Variants in ANTXR1 observed in about 807,000 individuals in gnomAD.
The protein encoded by ANTXR1 is anthrax toxin receptor 1.
In ANTXR1, 19 loss-of-function variants were observed where a neutral mutation model predicts 78.1. The observed-to-expected ratio is 0.24, with a 90% CI of 0.17 to 0.36. The LOEUF is 0.36. Ranked by LOEUF, ANTXR1 falls within the 10% of genes least tolerant of loss-of-function variation. The probability of loss-of-function intolerance (pLI) is 1.00; values close to 1 mark genes in which losing one functional copy is unlikely to be tolerated. For missense variants in ANTXR1, 518 were observed against 718.6 expected (o/e 0.72, Z 3.19); for synonymous variants, 273 against 260.5 (o/e 1.05, Z -0.46).
intron 8 of ANTXR1, among the ~76,000 whole-genome samples, chr2:69,085,437 G>T (rs902114062): frequency 1.3e-5 from 2 of 152,138 alleles, no homozygotes; most frequent in African/African-American, 4.8e-5. Context: ...TTAATCAGAC[G>T]AGGGGAGTAT....
rs1375123681 is a variant in ANTXR1, at chr2:69,122,642, C to T, written c.803-375C>T. 5.9e-5 allele frequency among the ~76,000 whole-genome samples: 9 copies of T among 152,178 alleles called. No individual in the cohort carries two copies. The South Asian group carries it at 1.5e-3, about 25-fold the overall frequency. On this transcript the variant is annotated intron_variant, in intron 10 of 17. Transcript: ENST00000303714. ...TAAGTTCTAGGGTACATGTGCACAA[C>T]GTGCAGGTTTGTTACATATGTATAC...
At chr2:69,046,551 G>T (rs1450795626) in intron 3 of ANTXR1, among the ~76,000 whole-genome samples, 1 of 152,162 alleles carries the variant, frequency 6.6e-6, no homozygotes, top group Non-Finnish European at 1.5e-5. Context: ...AGCCAAAAAT[G>T]CCTTGCTGAA....
chr2:69,075,524 G>T, intron 6 of ANTXR1, 66 bp from the exon 7 acceptor site: 1 of 1,477,008 alleles, frequency 6.8e-7, no homozygotes, highest in Non-Finnish European at 9.5e-7. Context: ...AGTTAGTCAG[G>T]TAGCTCCAAG....
intron 9 of ANTXR1, among the ~76,000 whole-genome samples, chr2:69,097,701 C>A (rs527444775): frequency 2.0e-5 from 3 of 152,142 alleles, no homozygotes; most frequent in Admixed American, 2.0e-4. Context: ...AAATATACAC[C>A]TACCATATGG....
intron 12 of ANTXR1, among the ~76,000 whole-genome samples, chr2:69,128,727 G>A (rs1021645710): frequency 6.6e-6 from 1 of 152,206 alleles, no homozygotes; most frequent in Non-Finnish European, 1.5e-5. Flanking sequence ...TATGAAGTAA[G>A]GTCTTGGACT....
intron 9 of ANTXR1, among the ~76,000 whole-genome samples, chr2:69,100,881 C>T (rs147284309): frequency 8.2e-4 from 125 of 152,298 alleles, no homozygotes; most frequent in African/African-American, 2.9e-3. Flanking sequence ...AACTACTAAG[C>T]CCATCTTTCT....
intron 8 of ANTXR1, among the ~76,000 whole-genome samples, chr2:69,084,783 G>A (rs1670998916): frequency 6.6e-6 from 1 of 150,992 alleles, no homozygotes; most frequent in African/African-American, 2.4e-5. Context: ...TGGATCTGGG[G>A]TAATGTCCAT....
At chr2:69,099,922 A>C (rs1268122237) in intron 9 of ANTXR1, among the ~76,000 whole-genome samples, 1 of 152,254 alleles carries the variant, frequency 6.6e-6, no homozygotes, top group East Asian at 1.9e-4. Context: ...CTCTGCCATC[A>C]GGAAGCTTTC....
intron 16 of ANTXR1, among the ~76,000 whole-genome samples, chr2:69,185,227 G>A (rs1370458982): frequency 3.9e-5 from 6 of 152,196 alleles, no homozygotes; most frequent in African/African-American, 1.4e-4. Context: ...AGCCATCTGG[G>A]TTTTAACAAG....
Position 69,077,449 on chromosome 2 carries a change from G to A in ANTXR1, c.603G>A (p.Val201=). ...ACAGTAAGGATCATGTGTTTCCCGT[G>A]AATGACGGCTTTCAGGCTCTGCAAG... ...IADSKDHVFP[V]NDGFQALQGI... is the part of the protein sequence containing the mutation. Residue 201 remains valine, a synonymous_variant, in exon 8 of 18, where the codon GTG becomes GTA. Transcript: ENST00000303714. 1 of 1,614,160 alleles carries A rather than the reference G, an allele frequency of 6.2e-7. No homozygotes were observed. The highest frequency in any genetic ancestry group is 8.5e-7 in the Non-Finnish European group (1 of 1,180,012).
At chr2:69,172,060 T>C (rs1034015141) in intron 14 of ANTXR1, among the ~76,000 whole-genome samples, 27 of 152,364 alleles carry the variant, frequency 1.8e-4, no homozygotes, top group African/African-American at 6.3e-4. Context: ...CAGTTGATTA[T>C]ACTTGGTCAG....
At chr2:69,235,386 C>T (rs899680518) in intron 17 of ANTXR1, among the ~76,000 whole-genome samples, 1 of 152,074 alleles carries the variant, frequency 6.6e-6, no homozygotes, top group East Asian at 1.9e-4. Flanking sequence ...CAGTGGTTCA[C>T]GCCTGTAAAT....
At chr2:69,019,353 TTTAAC>T (rs1306261068) in intron 1 of ANTXR1, among the ~76,000 whole-genome samples, 3 of 152,222 alleles carry the variant, frequency 2.0e-5, no homozygotes, top group African/African-American at 7.2e-5. Flanking sequence ...TTTCTTCCAT[TTTAAC>T]TTGTTTGCTC....
chr2:69,228,633 A>G (rs910934667), intron 17 of ANTXR1, among the ~76,000 whole-genome samples: 1 of 152,246 alleles, frequency 6.6e-6, no homozygotes, highest in African/African-American at 2.4e-5. Flanking sequence ...TAAAGCAGCT[A>G]GTACCAAGCC....
At chr2:69,138,095 G>GAAAAAAAAAAA (rs530717585) in intron 12 of ANTXR1, among the ~76,000 whole-genome samples, 16 of 88,880 alleles carry the variant, frequency 1.8e-4, no homozygotes, top group Non-Finnish European at 1.5e-4. Flanking sequence ...AAAAAAAAAA[G>GAAAAAAAAAAA]AAAAAAAAAA....
chr2:69,152,252 C>G lies in ANTXR1; in HGVS notation c.1035C>G (p.Leu345=), dbSNP rs747385212. The change falls in exon 13 of 18, where the codon CTC becomes CTG. Residue 345 remains leucine, a synonymous_variant. Transcript: ENST00000303714. ...CTCTCCTCTGGTGGTTCTGGCCCCT[C>G]TGCTGCACTGTGGTAAGTGCCCCAA... ...ALALLWWFWP[L]CCTVIIKEVP... 6.2e-7 allele frequency: 1 copy of G among 1,614,210 alleles called. No individual in the cohort carries two copies. Among genetic ancestry groups the G allele is most frequent in the Non-Finnish European group, 8.5e-7 (1 of 1,180,034 alleles).
intron 8 of ANTXR1, among the ~76,000 whole-genome samples, chr2:69,078,027 C>T (rs1429083704): frequency 1.3e-5 from 2 of 152,214 alleles, no homozygotes; most frequent in African/African-American, 2.4e-5. Flanking sequence ...CCACTGCTTT[C>T]GACCTATAAT....
At chr2:69,105,814 T>C (rs77790169) in intron 10 of ANTXR1, among the ~76,000 whole-genome samples, 7,680 of 152,326 alleles carry the variant, frequency 0.05, 269 homozygotes, top group Non-Finnish European at 0.078. Flanking sequence ...AGTGCCATTA[T>C]TAATGAGAAA....
chr2:69,166,354 G>T (rs1216784126), intron 13 of ANTXR1, among the ~76,000 whole-genome samples: 4 of 152,186 alleles, frequency 2.6e-5, no homozygotes, highest in Non-Finnish European at 5.9e-5. Context: ...ACACACAGCA[G>T]TTTCAAGAAA....
Sources: allele counts gnomAD v4.1 joint callset (sites outside exome capture counted in the v4.1 genomes callset), GRCh38; gene constraint gnomAD v4.1.1; transcripts MANE v1.5; gene names NCBI Gene and HGNC (gene_info 2026-07-23, HGNC 2026-07-21).